The following NSMAF variants were observed in gnomAD, a reference collection of about 807,000 sequenced individuals.
NSMAF encodes protein FAN.
Under a neutral mutation model 134.9 loss-of-function variants are expected in NSMAF, and 90 were observed. That is an observed-to-expected ratio of 0.67 (90% CI 0.56 to 0.79). NSMAF has a LOEUF of 0.79. Ranked by LOEUF, NSMAF falls within the 30% of genes least tolerant of loss-of-function variation. The pLI is 0.00. For missense variants in NSMAF, 1,010 were observed against 1,119.0 expected (o/e 0.90, Z 1.39); for synonymous variants, 358 against 389.6 (o/e 0.92, Z 0.96).
At chr8:58,598,508 A>AAAAG in intron 19 of NSMAF, among the ~76,000 whole-genome samples, 3 of 143,428 alleles carry the variant, frequency 2.1e-5, no homozygotes, top group East Asian at 2.0e-4. Flanking sequence ...AAAAAAAAAA[A>AAAAG]AAAGAAAAAA....
intron 6 of NSMAF, among the ~76,000 whole-genome samples, chr8:58,629,367 T>C (rs1470365755): frequency 6.6e-6 from 1 of 152,084 alleles, no homozygotes; most frequent in Non-Finnish European, 1.5e-5. Flanking sequence ...TTCTCCAAAA[T>C]TTCTGTTCAG....
chr8:58,586,105 T>C, intron 28 of NSMAF, 105 bp from the exon 29 acceptor site: 1 of 893,294 alleles, frequency 1.1e-6, no homozygotes, highest in South Asian at 1.4e-5. Flanking sequence ...CCACATTCGT[T>C]TTCTTCAAAA....
chr8:58,598,494 AAAAAAAAAAAAAAAAAAG>A (rs1806191551), intron 19 of NSMAF, among the ~76,000 whole-genome samples: 1 of 22,380 alleles, frequency 4.5e-5, no homozygotes, highest in African/African-American at 1.6e-4. Flanking sequence ...CTCAAACAAA[AAAAAAAAAAAAAAAAAAG>A]AAAAAAAAAA....
chr8:58,608,253 A>G (rs894730648), intron 10 of NSMAF, among the ~76,000 whole-genome samples: 1 of 152,242 alleles, frequency 6.6e-6, no homozygotes, highest in Non-Finnish European at 1.5e-5. Context: ...CATCTTTTTT[A>G]AAGAATCCTG....
chr8:58,607,207 T>C (rs1258018757), intron 11 of NSMAF, among the ~76,000 whole-genome samples: 1 of 152,246 alleles, frequency 6.6e-6, no homozygotes, highest in Non-Finnish European at 1.5e-5. Flanking sequence ...CTGTAGGGAT[T>C]GGTTACTAAA....
intron 13 of NSMAF, among the ~76,000 whole-genome samples, 189 bp downstream of exon 13, chr8:58,603,019 AAC>A (rs1255649925): frequency 5.3e-5 from 8 of 152,206 alleles, no homozygotes; most frequent in African/African-American, 1.9e-4. Context: ...ACATACATGA[AAC>A]ACTTACGTAA....
intron 9 of NSMAF, among the ~76,000 whole-genome samples, chr8:58,617,040 G>GT (rs1806672817): frequency 6.6e-6 from 1 of 152,194 alleles, no homozygotes; most frequent in African/African-American, 2.4e-5. Context: ...GGGATTCTGA[G>GT]TGGGGCATGA....
chr8:58,614,029 T>C (rs1272579582), intron 9 of NSMAF, among the ~76,000 whole-genome samples: 1 of 152,224 alleles, frequency 6.6e-6, no homozygotes, highest in Non-Finnish European at 1.5e-5. Context: ...TAGGCTATAC[T>C]GTATAGTCTA....
At position 58,659,767 on chromosome 8, in the gene NSMAF, C is replaced by T. The variant is rs992547503; in HGVS notation, c.-136G>A. On this transcript the variant is annotated 5_prime_UTR_variant, in exon 1 of 31. Transcript: ENST00000038176. The stretch of plus-strand genomic sequence containing the variant: ...GCGGCTGCCGGCCTGGCTTCCCCTG[C>T]GGCGCCGCTGGGCGGCCGAGAGCCC... 5 of 594,608 alleles carry T rather than the reference C, an allele frequency of 8.4e-6. No individual in the cohort carries two copies. The highest frequency in any genetic ancestry group is 4.2e-5 in the East Asian group (1 of 24,004). The allele number at this position is 594,608 out of a possible 1,614,324, so 36.8% of individuals were successfully genotyped here.
intron 2 of NSMAF, among the ~76,000 whole-genome samples, chr8:58,638,949 T>C (rs1215627265): frequency 1.3e-5 from 2 of 152,070 alleles, no homozygotes; most frequent in African/African-American, 4.8e-5. Flanking sequence ...AATAGCCTAT[T>C]AAAAGACAGG....
Position 58,594,549 on chromosome 8 carries a change from G to A in NSMAF, c.1893-259C>T, listed in dbSNP as rs138116298. The A allele has an allele frequency of 2.5e-3, 1,073 of 436,378 alleles. 2 individuals carry two copies. Among genetic ancestry groups the A allele is most frequent in the Non-Finnish European group, 2.8e-3 (687 of 245,968 alleles). The allele number at this position is 436,378 out of a possible 1,614,324, so 27.0% of individuals were successfully genotyped here. A position where few individuals can be genotyped will look rare whatever the true frequency, so the allele number is the denominator to read the frequency against. The stretch of plus-strand genomic sequence containing the variant: ...CACATGCAATGCTTTACATATTCCT[G>A]ACAATTTCTGGCAATTGGAAAACTC... On this transcript the variant is annotated intron_variant, in intron 22 of 30. Transcript: ENST00000038176.
chr8:58,612,340 T>A (rs546390201), intron 9 of NSMAF, among the ~76,000 whole-genome samples: 1 of 152,300 alleles, frequency 6.6e-6, no homozygotes, highest in South Asian at 2.1e-4. Context: ...TCTGGGTTGC[T>A]GAAGACATCT....
At chr8:58,592,908 C>CAAAAAA (rs201173954) in intron 23 of NSMAF, among the ~76,000 whole-genome samples, 1 of 111,570 alleles carries the variant, frequency 9.0e-6, no homozygotes, top group African/African-American at 4.8e-5. Flanking sequence ...AAAACAAAAA[C>CAAAAAA]AACAACAACA....
chr8:58,656,935 A>G (rs1408627707), intron 1 of NSMAF, among the ~76,000 whole-genome samples: 1 of 152,228 alleles, frequency 6.6e-6, no homozygotes, highest in African/African-American at 2.4e-5. Context: ...CATACCAAAT[A>G]TTGCATATAC....
At chr8:58,617,205 C>A (rs900492099) in intron 9 of NSMAF, among the ~76,000 whole-genome samples, 3 of 152,090 alleles carry the variant, frequency 2.0e-5, no homozygotes, top group Non-Finnish European at 4.4e-5. Flanking sequence ...ACCATAAAAA[C>A]CCTAGAAGAA....
chr8:58,659,409 A>G, intron 1 of NSMAF, 164 bp downstream of exon 1: 1 of 1,510,106 alleles, frequency 6.6e-7, no homozygotes. Flanking sequence ...CCCCGACCTC[A>G]GGTTTCCGCC....
intron 23 of NSMAF, 71 bp downstream of exon 23, chr8:58,594,161 C>T (rs772297255): frequency 1.7e-5 from 23 of 1,351,362 alleles, no homozygotes; most frequent in East Asian, 4.6e-5. Flanking sequence ...TCCTTGACCA[C>T]GAGCTAAATA....
At chr8:58,620,486 A>G (rs138534625) in intron 9 of NSMAF, among the ~76,000 whole-genome samples, 1 of 152,196 alleles carries the variant, frequency 6.6e-6, no homozygotes. Flanking sequence ...TCCTGAAGGC[A>G]CTGGGGATGG....
chr8:58,599,425 T>TAG, intron 18 of NSMAF, 62 bp from the exon 19 acceptor site: 1 of 1,568,368 alleles, frequency 6.4e-7, no homozygotes, highest in South Asian at 1.1e-5. Context: ...CCATTTCTCT[T>TAG]GTCTATCTAT....
Sources: gnomAD v4.1 joint callset for allele counts (sites outside exome capture counted in the v4.1 genomes callset) on GRCh38, gnomAD v4.1.1 for gene constraint, MANE v1.5 for transcripts, NCBI Gene and HGNC (gene_info 2026-07-23, HGNC 2026-07-21) for gene names.